LRRK2: variants seen among roughly 807,000 people sequenced by gnomAD.
LRRK2 encodes leucine-rich repeat serine/threonine-protein kinase 2.
A neutral mutation model predicts 302.6 loss-of-function variants in LRRK2; 203 were observed. The observed-to-expected ratio is 0.67, with a 90% CI of 0.60 to 0.75. LRRK2 has a LOEUF of 0.75. Ranked by LOEUF, LRRK2 falls within the 30% of genes least tolerant of loss-of-function variation. The pLI is 0.00. For synonymous variants in LRRK2, 1,066 were observed against 1,031.9 expected (o/e 1.03, Z -0.63); for missense variants, 2,830 against 2,951.0 (o/e 0.96, Z 0.95).
intron 45 of LRRK2, among the ~76,000 whole-genome samples, chr12:40,355,264 A>G (rs1435365314): frequency 6.6e-6 from 1 of 152,206 alleles, no homozygotes; most frequent in African/African-American, 2.4e-5. Flanking sequence ...GGCAAGGACG[A>G]CTTTATTCAA....
At position 40,304,051 on chromosome 12, in the gene LRRK2, A is replaced by G; in HGVS notation, c.3694A>G (p.Ile1232Val). The change falls in exon 27 of 51, where the codon ATC becomes GTC. Residue 1232 changes from isoleucine to valine, a missense_variant. By Grantham distance (29) the Ile-to-Val change is conservative. Transcript: ENST00000298910. ...GGAACTCTTATTTAGCCATAATCAG[A>G]TCAGCATCTTGGACTTGAGTGAAAA... Reference protein sequence around the residue: ...LRELLFSHNQISILDLSEKAY... With the variant: ...LRELLFSHNQVSILDLSEKAY... The G allele has an allele frequency of 1.9e-6, 3 of 1,613,776 alleles. No homozygotes were observed. Among genetic ancestry groups the G allele is most frequent in the East Asian group, 2.2e-5 (1 of 44,850 alleles).
chr12:40,323,456 G>T, intron 38 of LRRK2, 150 bp downstream of exon 38: 1 of 738,578 alleles, frequency 1.4e-6, no homozygotes, highest in East Asian at 2.8e-5. Flanking sequence ...ATATTTTAAA[G>T]GAATATAATA....
Position 40,225,162 on chromosome 12 carries a change from G to A in LRRK2, c.31G>A (p.Glu11Lys). The A allele has an allele frequency of 6.2e-7, 1 of 1,614,152 alleles. No homozygotes were observed. Among genetic ancestry groups the A allele is most frequent in the Non-Finnish European group, 8.5e-7 (1 of 1,180,026 alleles). MASGSCQGCE[E>K]DEETLKKLIV... is the part of the protein sequence containing the mutation. ...TAGTGGCAGCTGTCAGGGGTGCGAA[G>A]AGGACGAGGAAACTCTGAAGAAGTT... Residue 11 changes from glutamate (E) to lysine (K), a missense_variant, in exon 1 of 51, where the codon GAG becomes AAG. By Grantham distance (56) the Glu-to-Lys change is moderately conservative. Transcript: ENST00000298910.
intron 13 of LRRK2, 30 bp downstream of exon 13, chr12:40,259,634 A>G (rs1942681749): frequency 8.1e-6 from 13 of 1,611,738 alleles, no homozygotes; most frequent in African/African-American, 1.3e-5. Context: ...GTGGGAAGAG[A>G]TAACAATTTA....
At chr12:40,233,881 A>G (rs544364586) in intron 3 of LRRK2, among the ~76,000 whole-genome samples, 25 of 152,294 alleles carry the variant, frequency 1.6e-4, no homozygotes, top group Admixed American at 5.2e-4. Flanking sequence ...CTATTCATTG[A>G]ATGTTTTTGA....
At chr12:40,253,152 ATG>A in intron 11 of LRRK2, 136 bp downstream of exon 11, 1 of 613,118 alleles carries the variant, frequency 1.6e-6, no homozygotes, top group East Asian at 2.9e-5. Flanking sequence ...ATGTGTAGAG[ATG>A]TATTGACATA....
chr12:40,225,332 C>T, intron 1 of LRRK2, 50 bp downstream of exon 1: 9 of 1,601,336 alleles, frequency 5.6e-6, no homozygotes, highest in South Asian at 1.1e-5. Flanking sequence ...ACTTTCTCCC[C>T]CTCCTTACAT....
chr12:40,268,301 G>T (rs1943103578), intron 14 of LRRK2, among the ~76,000 whole-genome samples: 1 of 152,132 alleles, frequency 6.6e-6, no homozygotes, highest in Non-Finnish European at 1.5e-5. Flanking sequence ...CTGATGAAAT[G>T]GGCACAAATC....
intron 25 of LRRK2, chr12:40,301,120 C>G (rs2136762605): frequency 2.2e-6 from 1 of 456,546 alleles, no homozygotes. Flanking sequence ...AGTTCAAAAT[C>G]TGTTTGCTTT....
At chr12:40,329,940 C>T (rs1387957784) in intron 39 of LRRK2, among the ~76,000 whole-genome samples, 1 of 152,152 alleles carries the variant, frequency 6.6e-6, no homozygotes, top group Non-Finnish European at 1.5e-5. Context: ...TTCATCATGA[C>T]TTCAAGTGTT....
intron 2 of LRRK2, among the ~76,000 whole-genome samples, chr12:40,228,156 C>G (rs139485922): frequency 6.6e-6 from 1 of 152,088 alleles, no homozygotes; most frequent in African/African-American, 2.4e-5. Context: ...TAAGATACCT[C>G]CATACTGTGT....
chr12:40,298,748 GGTGACAGAGGCGAGACTCTGTCTCA>G (rs1159735972), intron 24 of LRRK2, among the ~76,000 whole-genome samples: 1 of 110,188 alleles, frequency 9.1e-6, no homozygotes, highest in Non-Finnish European at 1.9e-5. Context: ...CTCCAGCCTG[GGTGACAGAGGCGAGACTCTGTCTCA>G]AAGAAATATA....
In LRRK2 at chr12:40,225,561, A is replaced by G. The variant is rs202157354; in HGVS notation, c.158A>G (p.Lys53Arg). The G allele has an allele frequency of 8.7e-6, 14 of 1,613,952 alleles. No homozygotes were observed. In the East Asian group the frequency reaches 1.1e-4, roughly 13 times the overall value. The change falls in exon 2 of 51, where the codon AAG becomes AGG. Residue 53 changes from lysine to arginine, a missense_variant. By Grantham distance (26) the Lys-to-Arg change is conservative. Coordinates refer to ENST00000298910, the MANE Select transcript of LRRK2 (RefSeq NM_198578.4). ...CCACCCACTTGTTTTCCAGCCTCCA[A>G]GTTATTTCAAGGCAAAAATATCCAT... ...LVFTYSERAS[K>R]LFQGKNIHVP...
intron 13 of LRRK2, among the ~76,000 whole-genome samples, chr12:40,260,292 A>G (rs1942712013): frequency 6.6e-6 from 1 of 152,048 alleles, no homozygotes; most frequent in South Asian, 2.1e-4. Context: ...ATTAACAGGC[A>G]GCGTGAGAGA....
intron 2 of LRRK2, among the ~76,000 whole-genome samples, chr12:40,230,077 T>A (rs1941107183): frequency 6.6e-6 from 1 of 151,706 alleles, no homozygotes; most frequent in African/African-American, 2.4e-5. Context: ...TCAGTTTCTA[T>A]GACAGCTGGA....
At position 40,299,190 on chromosome 12, in the gene LRRK2, C is replaced by T. The variant is rs142989436; in HGVS notation, c.3429C>T (p.Ser1143=). 1.3e-4 allele frequency: 202 copies of T among 1,613,290 alleles called. No individual in the cohort carries two copies. Among genetic ancestry groups the T allele is most frequent in the Non-Finnish European group, 7.8e-5 (92 of 1,179,768 alleles). Residue 1143 remains serine (S), a synonymous_variant, in exon 25 of 51, where the codon TCC becomes TCT. Transcript: ENST00000298910. ...ILNLSKNHIS[S]LSENFLEACP... ...ACCTTAGTAAGAACCACATTTCATCCCTATCAGAGAACTTTCTTGAGGCTT... is the reference window on the plus strand; with the variant it reads ...ACCTTAGTAAGAACCACATTTCATCTCTATCAGAGAACTTTCTTGAGGCTT...
intron 34 of LRRK2, 78 bp downstream of exon 34, chr12:40,320,253 CTATAATAGATGTA>C (rs1945359802): frequency 8.7e-7 from 1 of 1,148,164 alleles, no homozygotes; most frequent in Admixed American, 1.9e-5. Context: ...TAACTGTAGT[CTATAATAGATGTA>C]TTAAATAAAT....
Position 40,295,307 on chromosome 12 carries a change from C to T in LRRK2, c.2879-120C>T. The T allele has an allele frequency of 2.0e-5, 18 of 896,418 alleles. 1 individual carries two copies. The South Asian group carries it at 2.2e-4, about 11-fold the overall frequency. The allele number at this position is 896,418 out of a possible 1,614,324, so 55.5% of individuals were successfully genotyped here. A position where few individuals can be genotyped will look rare whatever the true frequency, so the allele number is the denominator to read the frequency against. On this transcript the variant is annotated intron_variant, in intron 22 of 50. Coordinates refer to ENST00000298910, the MANE Select transcript of LRRK2 (RefSeq NM_198578.4). ...AATGTAAACTCCATAGTTTGGTTTT[C>T]TACTGAATCTTCAGTGCCTTGAAGA...
intron 14 of LRRK2, among the ~76,000 whole-genome samples, chr12:40,274,230 T>G (rs1943355092): frequency 1.3e-5 from 2 of 152,228 alleles, no homozygotes; most frequent in South Asian, 4.1e-4. Context: ...GTTTCATCTC[T>G]GCAATTTATA....
Sources: allele counts gnomAD v4.1 joint callset (sites outside exome capture counted in the v4.1 genomes callset), GRCh38; gene constraint gnomAD v4.1.1; transcripts MANE v1.5; gene names NCBI Gene and HGNC (gene_info 2026-07-23, HGNC 2026-07-21).